CACNA1C: variants seen among roughly 807,000 people sequenced by gnomAD.
The protein encoded by CACNA1C is calcium voltage-gated channel subunit alpha1 C, also known as voltage-dependent L-type calcium channel subunit alpha-1C.
CACNA1C carries 30 observed loss-of-function variants against 229.0 expected under a neutral mutation model. The observed-to-expected ratio is 0.13, with a 90% confidence interval of 0.10 to 0.18. CACNA1C has a LOEUF of 0.18. Among genes scored for constraint, CACNA1C ranks in the 10% least tolerant of loss-of-function variants. The probability of loss-of-function intolerance (pLI) is 1.00; values close to 1 mark genes in which losing one functional copy is unlikely to be tolerated. For synonymous variants in CACNA1C, 1,114 were observed against 1,132.5 expected, an observed-to-expected ratio of 0.98 and a Z score of 0.33; for missense variants, 1,658 against 2,845.0, an observed-to-expected ratio of 0.58 and a Z score of 9.49.
intron 1 of CACNA1C, among the ~76,000 whole-genome samples, chr12:2,017,099 C>T (rs2045524920): frequency 6.6e-6 from 1 of 152,110 alleles, no homozygotes; most frequent in Non-Finnish European, 1.5e-5. Context: ...GGGGAAGTGA[C>T]ATCAAAGTTT....
chr12:2,523,290 G>A (rs1598840496), intron 9 of CACNA1C, among the ~76,000 whole-genome samples: 1 of 152,178 alleles, frequency 6.6e-6, no homozygotes, highest in East Asian at 1.9e-4. Flanking sequence ...CTGAGGTCAA[G>A]CGCCATCCCT....
chr12:2,534,813 GGTGGT>G (rs1302642777), intron 9 of CACNA1C, among the ~76,000 whole-genome samples: 1 of 152,214 alleles, frequency 6.6e-6, no homozygotes, highest in Non-Finnish European at 1.5e-5. Flanking sequence ...TATGTTGGAA[GGTGGT>G]GGCGAGGTCT....
chr12:2,679,322 C>T lies in CACNA1C; in HGVS notation c.5092-122C>T. 2.9e-6 allele frequency: 2 copies of T among 696,074 alleles called. No homozygotes were observed. Among genetic ancestry groups the T allele is most frequent in the Non-Finnish European group, 2.3e-6 (1 of 426,074 alleles). The allele number at this position is 696,074 out of a possible 1,614,324, so 43.1% of individuals were successfully genotyped here. ...CTGGCTCCCAGCAGGGCTGTGCCTA[C>T]CCGAAAGAAGGCAGCCCGCCTTCCC... is the stretch of plus-strand genomic sequence containing the variant. On this transcript the variant is annotated intron_variant, in intron 41 of 46. Transcript: ENST00000399655. The surrounding 1 kb of genome is among the most constrained non-coding windows in gnomAD (Gnocchi z 5.5).
chr12:2,499,541 T>A (rs992649352), intron 7 of CACNA1C, among the ~76,000 whole-genome samples: 1 of 152,208 alleles, frequency 6.6e-6, no homozygotes, highest in South Asian at 2.1e-4. Flanking sequence ...GGTTTAAATC[T>A]GGGGTTCCCT....
intron 3 of CACNA1C, among the ~76,000 whole-genome samples, chr12:2,276,713 A>T (rs1189648907): frequency 6.6e-6 from 1 of 152,240 alleles, no homozygotes; most frequent in Non-Finnish European, 1.5e-5. Flanking sequence ...ATAAAAGAAT[A>T]GGGTTCCCAA....
At chr12:2,631,729 C>T (rs77345767) in intron 29 of CACNA1C, among the ~76,000 whole-genome samples, 13,582 of 152,288 alleles carry the variant, frequency 0.089, 615 homozygotes, top group East Asian at 0.15. Flanking sequence ...ACCTCACCCA[C>T]GCCCTGGTCA....
chr12:2,326,774 TG>T (rs1272266976), intron 3 of CACNA1C, among the ~76,000 whole-genome samples: 1 of 152,252 alleles, frequency 6.6e-6, no homozygotes, highest in East Asian at 1.9e-4. Flanking sequence ...GCGTGATACT[TG>T]ATCGATCTCT....
chr12:2,548,979 G>A (rs2154592024), intron 9 of CACNA1C, among the ~76,000 whole-genome samples: 1 of 152,072 alleles, frequency 6.6e-6, no homozygotes, highest in East Asian at 1.9e-4. Context: ...ACAAAACTAA[G>A]GAACGCATTG....
intron 3 of CACNA1C, among the ~76,000 whole-genome samples, chr12:2,408,531 T>C (rs2154552796): frequency 6.6e-6 from 1 of 152,058 alleles, no homozygotes; most frequent in Non-Finnish European, 1.5e-5. Context: ...TTGATGTTTC[T>C]GGGTTCCCCA....
At chr12:2,014,539 G>T (rs1208780651) in intron 1 of CACNA1C, among the ~76,000 whole-genome samples, 1 of 152,150 alleles carries the variant, frequency 6.6e-6, no homozygotes, top group African/African-American at 2.4e-5. Flanking sequence ...CTAGAACTTA[G>T]AGTCTCACGG....
intron 1 of CACNA1C, among the ~76,000 whole-genome samples, chr12:2,041,267 A>ATTTT (rs2050023838): frequency 6.0e-5 from 6 of 99,364 alleles, no homozygotes; most frequent in African/African-American, 2.9e-4. Flanking sequence ...TGCTAAGGGT[A>ATTTT]TTCTTTTTTT....
intron 3 of CACNA1C, among the ~76,000 whole-genome samples, chr12:2,188,234 G>T (rs925703534): frequency 6.6e-6 from 1 of 152,028 alleles, no homozygotes; most frequent in African/African-American, 2.4e-5. Flanking sequence ...CATCTACCTC[G>T]CACATCAAAT....
intron 3 of CACNA1C, among the ~76,000 whole-genome samples, chr12:2,141,815 G>A (rs750570854): frequency 2.6e-5 from 4 of 151,226 alleles, no homozygotes; most frequent in East Asian, 1.9e-4. Flanking sequence ...ATCTGGAAGT[G>A]GGGTGAGGCA....
intron 30 of CACNA1C, among the ~76,000 whole-genome samples, chr12:2,642,397 G>T: frequency 6.6e-6 from 1 of 152,154 alleles, no homozygotes; most frequent in Non-Finnish European, 1.5e-5. Flanking sequence ...GATTGTACCT[G>T]GCCAGTGTCT....
intron 3 of CACNA1C, among the ~76,000 whole-genome samples, chr12:2,234,179 T>C (rs114580194): frequency 0.011 from 1,683 of 152,306 alleles, 33 homozygotes; most frequent in African/African-American, 0.039. Flanking sequence ...AAGTGTCCCG[T>C]GTCTCCTTTT....
chr12:2,232,227 G>GTTTTTTTTTTTTTTTTTTCTTT (rs2065461745), intron 3 of CACNA1C, among the ~76,000 whole-genome samples: 1 of 73,574 alleles, frequency 1.4e-5, no homozygotes, highest in Non-Finnish European at 2.6e-5. Context: ...GTCTTTCCTT[G>GTTTTTTTTTTTTTTTTTTCTTT]TTTTTTTTTT....
intron 1 of CACNA1C, among the ~76,000 whole-genome samples, chr12:1,997,377 G>A (rs1435108826): frequency 6.6e-6 from 1 of 152,172 alleles, no homozygotes; most frequent in Non-Finnish European, 1.5e-5. Flanking sequence ...AAAATTAGCT[G>A]GGCGTGGTGG....
At chr12:2,544,116 A>G (rs1291225880) in intron 9 of CACNA1C, among the ~76,000 whole-genome samples, 4 of 151,478 alleles carry the variant, frequency 2.6e-5, no homozygotes, top group Non-Finnish European at 4.4e-5. Context: ...CCTAACTCTC[A>G]GTGCTTTTTG....
At chr12:2,070,331 C>T (rs2060743222) in intron 1 of CACNA1C, among the ~76,000 whole-genome samples, 1 of 152,294 alleles carries the variant, frequency 6.6e-6, no homozygotes, top group Admixed American at 6.5e-5. Context: ...GTAGGTGTGA[C>T]TAAGAAGTCA....
Sources: gnomAD v4.1 joint callset for allele counts (sites outside exome capture counted in the v4.1 genomes callset) on GRCh38, gnomAD v4.1.1 for gene constraint, Gnocchi (gnomAD v3.1) non-coding constraint, MANE v1.5 for transcripts, NCBI Gene and HGNC (gene_info 2026-07-23, HGNC 2026-07-21) for gene names.